Variants in TBC1D8 observed in about 807,000 individuals in gnomAD.
TBC1D8 encodes BUB2-like protein 1.
A neutral mutation model predicts 118.8 loss-of-function variants in TBC1D8; 65 were observed. The observed-to-expected ratio is 0.55, with a 90% confidence interval of 0.45 to 0.67. TBC1D8 has a LOEUF of 0.67. Among genes scored for constraint, TBC1D8 ranks in the 30% least tolerant of loss-of-function variants. TBC1D8 has a pLI of 0.00. For synonymous variants in TBC1D8, 566 were observed against 595.8 expected, an observed-to-expected ratio of 0.95 and a Z score of 0.73; for missense variants, 1,376 against 1,471.2, an observed-to-expected ratio of 0.94 and a Z score of 1.06.
At chr2:101,017,956 G>A (rs970771034) in intron 17 of TBC1D8, 17 of 1,549,140 alleles carry the variant, frequency 1.1e-5, no homozygotes, top group Non-Finnish European at 1.5e-5. Context: ...TCTACTTGGT[G>A]AAAAGTCATT....
At chr2:101,010,593 G>A (rs1679128725) in intron 19 of TBC1D8, among the ~76,000 whole-genome samples, 1 of 152,132 alleles carries the variant, frequency 6.6e-6, no homozygotes, top group Non-Finnish European at 1.5e-5. Flanking sequence ...TGAAAAAACA[G>A]TTAATTCTCG....
intron 1 of TBC1D8, among the ~76,000 whole-genome samples, chr2:101,144,064 C>T (rs1448803658): frequency 6.6e-6 from 1 of 152,232 alleles, no homozygotes; most frequent in Non-Finnish European, 1.5e-5. Context: ...TTGATATGTA[C>T]AACTTGATAT....
chr2:101,085,211 C>A (rs1299829011), intron 2 of TBC1D8, among the ~76,000 whole-genome samples: 4 of 152,002 alleles, frequency 2.6e-5, no homozygotes, highest in Non-Finnish European at 5.9e-5. Flanking sequence ...AAAATCCAGG[C>A]CAATTAAGTA....
chr2:101,054,694 T>C (rs1415757883), intron 3 of TBC1D8, among the ~76,000 whole-genome samples: 2 of 131,204 alleles, frequency 1.5e-5, no homozygotes, highest in East Asian at 5.0e-4. Context: ...TTTTTTTTTT[T>C]TTTTGGAGAC....
chr2:101,110,116 T>C lies in TBC1D8; in HGVS notation c.128-19752A>G, dbSNP rs1677502352. On this transcript the variant is annotated intron_variant, in intron 1 of 19. Transcript: ENST00000409318. ...ACAAGTTTTATAATTAGGGCCCAAA[T>C]AGAGGCCTACTAATAATTTGCTTCT... 10 of 647,634 alleles carry C rather than the reference T, an allele frequency of 1.5e-5. No homozygotes were observed. In the South Asian group the frequency reaches 2.1e-4, roughly 14 times the overall value. 40.1% of individuals were successfully genotyped at this position (647,634 alleles called of 1,614,324 possible). A position where few individuals can be genotyped will look rare whatever the true frequency, so the allele number is the denominator to read the frequency against.
At chr2:101,044,982 C>G (rs1399160693) in intron 5 of TBC1D8, among the ~76,000 whole-genome samples, 1 of 152,152 alleles carries the variant, frequency 6.6e-6, no homozygotes. Flanking sequence ...CTCCTGACCT[C>G]GTGATCTGCC....
At chr2:101,105,619 T>TAC (rs1677158183) in intron 1 of TBC1D8, among the ~76,000 whole-genome samples, 1 of 147,452 alleles carries the variant, frequency 6.8e-6, no homozygotes, top group South Asian at 2.1e-4. Context: ...CATATATATA[T>TAC]ATATAGTTGT....
chr2:101,018,120 T>G (rs1259586408), intron 17 of TBC1D8: 9 of 551,460 alleles, frequency 1.6e-5, no homozygotes. Context: ...TCATATAAAG[T>G]TTTCAGAATA....
intron 1 of TBC1D8, among the ~76,000 whole-genome samples, chr2:101,121,479 G>A (rs1182915275): frequency 1.3e-5 from 2 of 152,216 alleles, no homozygotes; most frequent in Non-Finnish European, 2.9e-5. Flanking sequence ...TCACATCCCA[G>A]ATTCAGTGTC....
intron 2 of TBC1D8, among the ~76,000 whole-genome samples, chr2:101,067,467 A>C (rs1296776729): frequency 2.0e-5 from 3 of 152,230 alleles, no homozygotes; most frequent in Non-Finnish European, 4.4e-5. Flanking sequence ...AGCAAGTATC[A>C]CAATTAAGTG....
intron 4 of TBC1D8, among the ~76,000 whole-genome samples, chr2:101,053,397 CAA>C (rs1320050134): frequency 1.3e-5 from 2 of 152,190 alleles, no homozygotes; most frequent in Non-Finnish European, 2.9e-5. Context: ...AGCAGACACT[CAA>C]GAGAAGCTCC....
intron 1 of TBC1D8, among the ~76,000 whole-genome samples, chr2:101,118,443 T>A (rs1677931526): frequency 6.6e-6 from 1 of 152,098 alleles, no homozygotes; most frequent in Non-Finnish European, 1.5e-5. Flanking sequence ...ATGCCTGTAA[T>A]CCCAGCACTT....
intron 2 of TBC1D8, among the ~76,000 whole-genome samples, chr2:101,089,924 T>TAA (rs766232083): frequency 5.2e-5 from 6 of 116,012 alleles, no homozygotes; most frequent in Admixed American, 9.6e-5. Context: ...TCGATGGTTT[T>TAA]TAAAAAAAAA....
intron 3 of TBC1D8, 40 bp downstream of exon 3, chr2:101,059,381 A>T: frequency 6.7e-7 from 1 of 1,486,480 alleles, no homozygotes; most frequent in Non-Finnish European, 9.4e-7. Context: ...AGGAAGAAAG[A>T]TGGAAAGATG....
intron 2 of TBC1D8, among the ~76,000 whole-genome samples, chr2:101,083,133 G>A (rs1401363188): frequency 3.3e-5 from 5 of 151,900 alleles, no homozygotes; most frequent in Non-Finnish European, 7.4e-5. Flanking sequence ...CTTTATATGA[G>A]GAAGTCTTAA....
At chr2:101,018,516 T>C (rs1679822141) in intron 17 of TBC1D8, among the ~76,000 whole-genome samples, 1 of 152,248 alleles carries the variant, frequency 6.6e-6, no homozygotes, top group Non-Finnish European at 1.5e-5. Context: ...CTTCTATTCC[T>C]TCACAGAAAG....
Position 101,059,421 on chromosome 2 carries a change from C to G in TBC1D8, c.402G>C (p.Lys134Asn), listed in dbSNP as rs369461190. The G allele has an allele frequency of 1.2e-6, 2 of 1,611,410 alleles. No homozygotes were observed. Among genetic ancestry groups the G allele is most frequent in the Non-Finnish European group, 1.7e-6 (2 of 1,177,850 alleles). The change falls in exon 3 of 20, where the codon AAG (lysine) becomes AAC (asparagine). Residue 134 changes from lysine to asparagine, a missense_variant and splice_region_variant. Physicochemically the swap from Lys to Asn is moderately conservative, Grantham distance 94. Transcript: ENST00000409318. ...DIASFVKGKV[K>N]ALIAEETSSR... ...GAAACATGAAACTCAGGGGACCTAC[C>G]TTTACCTTCCCTTTGACAAAACTGG...
chr2:101,033,798 T>C (rs1289604926), intron 9 of TBC1D8, 40 bp from the exon 10 acceptor site: 3 of 1,584,686 alleles, frequency 1.9e-6, no homozygotes, highest in South Asian at 2.3e-5. Flanking sequence ...GAATGATTAC[T>C]AGGATGGTGT....
At position 101,027,386 on chromosome 2, in the gene TBC1D8, G is replaced by T. The variant is rs1300335298; in HGVS notation, c.2517C>A (p.Phe839Leu). 1 of 1,612,756 alleles carries T rather than the reference G, an allele frequency of 6.2e-7. No homozygotes were observed. Among genetic ancestry groups the T allele is most frequent in the Non-Finnish European group, 8.5e-7 (1 of 1,179,110 alleles). The change falls in exon 15 of 20, where the codon TTC becomes TTA. Residue 839 changes from phenylalanine (F) to leucine (L), a missense_variant. Transcript: ENST00000409318. ...PEDLEELYDL[F>L]KREHMMSCYW... is the part of the protein sequence containing the mutation. ...TCATCTTCCCAGAGCTGCGTACCTT[G>T]AATAAGTCGTAGAGCTCCTCTAGGT...
Sources: gnomAD v4.1 joint callset for allele counts (sites outside exome capture counted in the v4.1 genomes callset) on GRCh38, gnomAD v4.1.1 for gene constraint, MANE v1.5 for transcripts, NCBI Gene and HGNC (gene_info 2026-07-23, HGNC 2026-07-21) for gene names.